TRMT6: variants seen among roughly 807,000 people sequenced by gnomAD.
TRMT6 encodes tRNA methyltransferase 6 non-catalytic subunit, also known as tRNA (adenine(58)-N(1))-methyltransferase non-catalytic subunit TRM6.
TRMT6 carries 34 observed loss-of-function variants against 59.0 expected under a neutral mutation model. The observed-to-expected ratio is 0.58, with a 90% CI of 0.44 to 0.77. TRMT6 has a LOEUF of 0.77. Among genes scored for constraint, TRMT6 ranks in the 30% least tolerant of loss-of-function variants. The probability of loss-of-function intolerance (pLI) is 0.00; values close to 1 mark genes in which losing one functional copy is unlikely to be tolerated. For synonymous variants in TRMT6, 217 were observed against 210.5 expected, an observed-to-expected ratio of 1.03 and a Z score of -0.27; for missense variants, 575 against 604.5, an observed-to-expected ratio of 0.95 and a Z score of 0.51.
chr20:5,945,728 A>G (rs1028128759), intron 2 of TRMT6, among the ~76,000 whole-genome samples: 14 of 152,228 alleles, frequency 9.2e-5, no homozygotes, highest in African/African-American at 3.4e-4. Context: ...AACTTCAAAT[A>G]ATTACTTGTG....
intron 10 of TRMT6, 53 bp from the exon 11 acceptor site, chr20:5,938,779 C>G: frequency 6.6e-7 from 1 of 1,510,232 alleles, no homozygotes; most frequent in South Asian, 1.2e-5. Flanking sequence ...AAAGTCCATG[C>G]TAACAACACA....
In TRMT6 at chr20:5,938,450, A is replaced by G; in HGVS notation, c.*85T>C. ...GACATGTTCTTATTCTTGGGATATG[A>G]AAAAACAAGTAGTAATGGCATTTAA... On this transcript the variant is annotated 3_prime_UTR_variant, in exon 11 of 11. Coordinates refer to ENST00000203001, the MANE Select transcript of TRMT6 (RefSeq NM_015939.5). 5.8e-6 allele frequency: 8 copies of G among 1,375,356 alleles called. No homozygotes were observed. Among genetic ancestry groups the G allele is most frequent in the Non-Finnish European group, 8.0e-6 (8 of 1,000,760 alleles). 85.2% of individuals were successfully genotyped at this position (1,375,356 alleles called of 1,614,324 possible).
rs754104215 is a variant in TRMT6, at chr20:5,943,532, G to C, written c.667+27C>G. 24 of 1,612,768 alleles carry C rather than the reference G, an allele frequency of 1.5e-5. No homozygotes were observed. The South Asian group carries it at 2.5e-4, about 17-fold the overall frequency. ...TTTACTCACATCAGGGTGGGGTTTTGTTGAAAATGGAAATATTAAATCTTA... is the reference window on the plus strand; with the variant it reads ...TTTACTCACATCAGGGTGGGGTTTTCTTGAAAATGGAAATATTAAATCTTA... On this transcript the variant is annotated intron_variant, in intron 6 of 10. Transcript: ENST00000203001.
At chr20:5,947,008 C>G (rs192212182) in intron 1 of TRMT6, among the ~76,000 whole-genome samples, 1 of 152,272 alleles carries the variant, frequency 6.6e-6, no homozygotes, top group African/African-American at 2.4e-5. Context: ...GCTTTCTTCT[C>G]AAAAGAAAAC....
At chr20:5,943,382 G>A (rs769049891) in intron 6 of TRMT6, among the ~76,000 whole-genome samples, 177 bp downstream of exon 6, 1 of 152,202 alleles carries the variant, frequency 6.6e-6, no homozygotes, top group Non-Finnish European at 1.5e-5. Flanking sequence ...TGGGTGGGGG[G>A]CTGGGTGATG....
Position 5,938,422 on chromosome 20 carries a change from A to C in TRMT6, c.*113T>G. On this transcript the variant is annotated 3_prime_UTR_variant, in exon 11 of 11. Coordinates refer to ENST00000203001, the MANE Select transcript of TRMT6 (RefSeq NM_015939.5). ...ACTCCTCCTTCCTAGAAACGGGTAC[A>C]TAGACATGTTCTTATTCTTGGGATA... is the stretch of plus-strand genomic sequence containing the variant. 1.8e-6 allele frequency: 2 copies of C among 1,126,402 alleles called. No homozygotes were observed. Among genetic ancestry groups the C allele is most frequent in the Non-Finnish European group, 2.6e-6 (2 of 783,104 alleles). 69.8% of individuals were successfully genotyped at this position (1,126,402 alleles called of 1,614,324 possible).
intron 6 of TRMT6, 75 bp from the exon 7 acceptor site, chr20:5,942,861 CAGTAATG>C: frequency 9.1e-7 from 1 of 1,103,900 alleles, no homozygotes; most frequent in Non-Finnish European, 1.3e-6. Context: ...GAGTCCTCCA[CAGTAATG>C]AGACTGAAGG....
chr20:5,948,632 G>C (rs1483702319), intron 1 of TRMT6, among the ~76,000 whole-genome samples: 1 of 151,996 alleles, frequency 6.6e-6, no homozygotes, highest in African/African-American at 2.4e-5. Context: ...CTTGAGCCCA[G>C]GAATTGGAGA....
rs1026342174 is a variant in TRMT6 at position 5,937,725 on chromosome 20, C to A, written c.*810G>T. On this transcript the variant is annotated 3_prime_UTR_variant, in exon 11 of 11. Transcript: ENST00000203001. ...GTGGTACAATCTATGTCTCCACTTGCATGTGTATGTATATATCTGTGTATA... is the reference window on the plus strand; with the variant it reads ...GTGGTACAATCTATGTCTCCACTTGAATGTGTATGTATATATCTGTGTATA... 1.3e-5 allele frequency: 2 copies of A among 152,140 alleles called. No homozygotes were observed. The highest frequency in any genetic ancestry group is 1.3e-4 in the Admixed American group (2 of 15,278). The allele number at this position is 152,140 out of a possible 1,614,324, so 9.4% of individuals were successfully genotyped here.
chr20:5,943,120 A>T (rs74622730), intron 6 of TRMT6, among the ~76,000 whole-genome samples: 4,759 of 152,318 alleles, frequency 0.031, 105 homozygotes, highest in Middle Eastern at 0.095. Flanking sequence ...GAGCAGTTAC[A>T]AGTTCTTACC....
At chr20:5,950,175 C>T in intron 1 of TRMT6, 103 bp downstream of exon 1, 1 of 1,313,272 alleles carries the variant, frequency 7.6e-7, no homozygotes, top group Non-Finnish European at 1.0e-6. Context: ...CCGAGAGAGC[C>T]AAGAATGGCA....
chr20:5,946,247 G>A (rs2088705390), intron 2 of TRMT6, among the ~76,000 whole-genome samples, 159 bp downstream of exon 2: 2 of 152,236 alleles, frequency 1.3e-5, no homozygotes, highest in Non-Finnish European at 2.9e-5. Flanking sequence ...CATGGCCAAA[G>A]GCAGTACTTG....
rs1444324040 is a variant in TRMT6 at position 5,940,988 on chromosome 20, T to C, written c.1302+65A>G. On this transcript the variant is annotated intron_variant, in intron 10 of 10. Coordinates refer to ENST00000203001, the MANE Select transcript of TRMT6 (RefSeq NM_015939.5). ...GATAACTCTATTTAATGACTTCTAG[T>C]ACTACTGCAAGGAAAGTCAAGTCTC... 5 of 1,214,264 alleles carry C rather than the reference T, an allele frequency of 4.1e-6. No individual in the cohort carries two copies. In the African/African-American group the frequency reaches 6.0e-5, roughly 15 times the overall value. The allele number at this position is 1,214,264 out of a possible 1,614,324, so 75.2% of individuals were successfully genotyped here.
rs2088708439 is a variant in TRMT6, at chr20:5,946,515, T to G, written c.147A>C (p.Lys49Asn). 5.0e-6 allele frequency: 8 copies of G among 1,614,000 alleles called. No homozygotes were observed. The highest frequency in any genetic ancestry group is 1.3e-5 in the African/African-American group (1 of 74,904). ...VQRRKKVTFE[K>N]QWFYLDNVIG... ...TGACGTTATCCAGGTAGAACCACTG[T>G]TTTTCGAAAGTTACTTTTCTAGGGA... The change falls in exon 2 of 11, where the codon AAA becomes AAC. Residue 49 changes from lysine (K) to asparagine (N), a missense_variant. Lys to Asn is a moderately conservative substitution (Grantham distance 94). Transcript: ENST00000203001.
At chr20:5,943,710 T>C (rs757753273) in intron 5 of TRMT6, 27 bp from the exon 6 acceptor site, 1 of 1,604,854 alleles carries the variant, frequency 6.2e-7, no homozygotes, top group East Asian at 2.2e-5. Context: ...AATTTGTTCA[T>C]TTTTAGCTAA....
At chr20:5,949,198 C>CA (rs59540636) in intron 1 of TRMT6, among the ~76,000 whole-genome samples, 37,043 of 107,228 alleles carry the variant, frequency 0.35, 6,961 homozygotes, top group African/African-American at 0.56. Flanking sequence ...ACTAAAAATA[C>CA]AAAAAAAAAA....
chr20:5,942,854 T>A lies in TRMT6; in HGVS notation c.668-68A>T, dbSNP rs2088670895. On this transcript the variant is annotated intron_variant, in intron 6 of 10. Coordinates refer to ENST00000203001, the MANE Select transcript of TRMT6 (RefSeq NM_015939.5). ...CTAGACTACGTAAACCCTCAGTGAG[T>A]CCTCCACAGTAATGAGACTGAAGGT... 13 of 1,171,954 alleles carry A rather than the reference T, an allele frequency of 1.1e-5. No individual in the cohort carries two copies. The East Asian group carries it at 2.8e-4, about 25-fold the overall frequency. The allele number at this position is 1,171,954 out of a possible 1,614,324, so 72.6% of individuals were successfully genotyped here.
intron 1 of TRMT6, among the ~76,000 whole-genome samples, chr20:5,949,848 G>A (rs1451615145): frequency 6.6e-6 from 1 of 152,194 alleles, no homozygotes; most frequent in African/African-American, 2.4e-5. Flanking sequence ...AGATCCTAAA[G>A]TGAAGAAAGG....
In TRMT6 at chr20:5,937,253, T is replaced by C. The variant is rs939013750; in HGVS notation, c.*1282A>G. Reference sequence around the variant, plus strand: ...CCCGGCCGACATTTTTATTCTTTAATAGCAATTAGGATAAAGGACTCAAAA... The same window carrying C: ...CCCGGCCGACATTTTTATTCTTTAACAGCAATTAGGATAAAGGACTCAAAA... On this transcript the variant is annotated 3_prime_UTR_variant, in exon 11 of 11. Coordinates refer to ENST00000203001, the MANE Select transcript of TRMT6 (RefSeq NM_015939.5). 2.0e-5 allele frequency: 3 copies of C among 152,240 alleles called. No homozygotes were observed. The highest frequency in any genetic ancestry group is 7.2e-5 in the African/African-American group (3 of 41,464). The allele number at this position is 152,240 out of a possible 1,614,324, so 9.4% of individuals were successfully genotyped here.
Sources: gnomAD v4.1 joint callset for allele counts (sites outside exome capture counted in the v4.1 genomes callset) on GRCh38, gnomAD v4.1.1 for gene constraint, MANE v1.5 for transcripts, NCBI Gene and HGNC (gene_info 2026-07-23, HGNC 2026-07-21) for gene names.